GRAMD2B: variants seen among roughly 807,000 people sequenced by gnomAD.
GRAMD2B encodes GRAM domain-containing protein 2B.
GRAMD2B carries 41 observed loss-of-function variants against 59.2 expected under a neutral mutation model. The observed-to-expected ratio is 0.69, with a 90% CI of 0.54 to 0.90. The LOEUF (loss-of-function observed/expected upper bound fraction) is 0.90. Among genes scored for constraint, GRAMD2B ranks in the 40% least tolerant of loss-of-function variants. The pLI, the probability that GRAMD2B is intolerant of heterozygous loss-of-function variation, is 0.00. For synonymous variants in GRAMD2B, 161 were observed against 182.7 expected, an observed-to-expected ratio of 0.88 and a Z score of 0.96; for missense variants, 424 against 500.5, an observed-to-expected ratio of 0.85 and a Z score of 1.46.
intron 1 of GRAMD2B, among the ~76,000 whole-genome samples, chr5:126,363,955 G>A (rs1002068457): frequency 6.6e-6 from 1 of 152,032 alleles, no homozygotes; most frequent in Admixed American, 6.6e-5. Context: ...TGTACACTTC[G>A]AACAAGTGAA....
chr5:126,380,566 A>G (rs1437759270), intron 1 of GRAMD2B, among the ~76,000 whole-genome samples: 6 of 152,080 alleles, frequency 3.9e-5, no homozygotes, highest in Admixed American at 3.9e-4. Context: ...TGTGTTGTCT[A>G]TGATCTTTTT....
At chr5:126,486,511 G>A (rs1005599365) in intron 11 of GRAMD2B, among the ~76,000 whole-genome samples, 2 of 152,310 alleles carry the variant, frequency 1.3e-5, no homozygotes, top group African/African-American at 2.4e-5. Context: ...CCAGATAAAG[G>A]AGGGAGTCAC....
intron 1 of GRAMD2B, among the ~76,000 whole-genome samples, chr5:126,405,845 A>G (rs1255785648): frequency 1.3e-5 from 2 of 151,980 alleles, no homozygotes; most frequent in Non-Finnish European, 1.5e-5. Flanking sequence ...GTTGCATACC[A>G]TTCATAAACC....
At chr5:126,401,161 G>A (rs1757802728) in intron 1 of GRAMD2B, among the ~76,000 whole-genome samples, 2 of 151,784 alleles carry the variant, frequency 1.3e-5, no homozygotes, top group African/African-American at 2.4e-5. Flanking sequence ...TCCCTGGATT[G>A]AAAAATAACA....
chr5:126,376,244 G>A (rs1180965070), intron 1 of GRAMD2B, among the ~76,000 whole-genome samples: 2 of 152,158 alleles, frequency 1.3e-5, no homozygotes, highest in African/African-American at 4.8e-5. Flanking sequence ...GCCCAAGATG[G>A]GAACTGAAGA....
At chr5:126,461,436 A>T (rs937033570) in intron 1 of GRAMD2B, among the ~76,000 whole-genome samples, 1 of 152,206 alleles carries the variant, frequency 6.6e-6, no homozygotes, top group African/African-American at 2.4e-5. Flanking sequence ...CTGTTTTTGT[A>T]TGTATAAATT....
chr5:126,433,875 C>T (rs1761981075), intron 1 of GRAMD2B: 2 of 152,182 alleles, frequency 1.3e-5, no homozygotes, highest in Admixed American at 1.3e-4. Flanking sequence ...GCAGCAATTG[C>T]ACAAAATCTT....
chr5:126,442,928 T>C (rs1013759187), intron 1 of GRAMD2B, among the ~76,000 whole-genome samples: 1 of 152,202 alleles, frequency 6.6e-6, no homozygotes, highest in African/African-American at 2.4e-5. Flanking sequence ...GGATAATGTA[T>C]CTAACTAATC....
At chr5:126,385,370 G>A (rs1383741326) in intron 1 of GRAMD2B, among the ~76,000 whole-genome samples, 2 of 152,134 alleles carry the variant, frequency 1.3e-5, no homozygotes, top group Non-Finnish European at 2.9e-5. Context: ...GATACTATGA[G>A]CAATATAGGC....
At chr5:126,406,293 C>A (rs1009328431) in intron 1 of GRAMD2B, among the ~76,000 whole-genome samples, 12 of 151,838 alleles carry the variant, frequency 7.9e-5, no homozygotes, top group African/African-American at 2.4e-4. Flanking sequence ...CAACATGGCA[C>A]ATGTATACAT....
chr5:126,422,532 T>A (rs1368677823), upstream of GRAMD2B, among the ~76,000 whole-genome samples: 1 of 152,164 alleles, frequency 6.6e-6, no homozygotes, highest in African/African-American at 2.4e-5. Context: ...TCATCATCTA[T>A]CCTTAGTGTT....
rs114472603 is a variant in GRAMD2B at position 126,451,107 on chromosome 5, C to A, written c.84-14319C>A. The stretch of plus-strand genomic sequence containing the variant: ...AACCCACAGGCATTCAACTCCAACC[C>A]GTGAGAGCAGCCAGCGAGGCTGCAC... On this transcript the variant is annotated intron_variant, in intron 1 of 13. Transcript: ENST00000285689. Among the ~76,000 whole-genome samples, 500 of 152,332 alleles carry A rather than the reference C, an allele frequency of 3.3e-3. 4 individuals carry two copies. The highest frequency in any genetic ancestry group is 0.011 in the African/African-American group (472 of 41,576).
upstream of GRAMD2B, among the ~76,000 whole-genome samples, chr5:126,422,921 C>G (rs555685171): frequency 3.0e-4 from 46 of 151,110 alleles, 1 homozygote; most frequent in Non-Finnish European, 5.7e-4. Flanking sequence ...AACCACCCCC[C>G]CCACCCCAGA....
At chr5:126,383,758 T>G (rs889931822) in intron 1 of GRAMD2B, among the ~76,000 whole-genome samples, 7 of 152,212 alleles carry the variant, frequency 4.6e-5, no homozygotes, top group African/African-American at 1.7e-4. Flanking sequence ...TCAAATTATT[T>G]GGGCTATTTT....
At chr5:126,434,783 C>T (rs1158457780) in intron 1 of GRAMD2B, among the ~76,000 whole-genome samples, 2 of 152,212 alleles carry the variant, frequency 1.3e-5, no homozygotes, top group African/African-American at 4.8e-5. Context: ...TCCCAAAGTG[C>T]TGGGCTTAGG....
chr5:126,378,022 C>A (rs1400720333), intron 1 of GRAMD2B, among the ~76,000 whole-genome samples: 1 of 152,042 alleles, frequency 6.6e-6, no homozygotes, highest in African/African-American at 2.4e-5. Context: ...CAACCTTATT[C>A]TTTTTCTTTC....
intron 1 of GRAMD2B, among the ~76,000 whole-genome samples, chr5:126,441,988 T>G (rs1367709623): frequency 1.3e-5 from 2 of 152,134 alleles, no homozygotes; most frequent in African/African-American, 2.4e-5. Context: ...AAGCCTTGTC[T>G]TAGTGTATTT....
intron 1 of GRAMD2B, among the ~76,000 whole-genome samples, chr5:126,411,487 G>A (rs892876680): frequency 2.0e-5 from 3 of 152,080 alleles, no homozygotes; most frequent in African/African-American, 7.2e-5. Context: ...CCAGTACCAT[G>A]CTGTTTCAGT....
chr5:126,481,571 T>G (rs571429528), intron 8 of GRAMD2B, among the ~76,000 whole-genome samples: 32 of 152,214 alleles, frequency 2.1e-4, no homozygotes, highest in Non-Finnish European at 3.5e-4. Context: ...ATAGCATTAT[T>G]CATCATAGCC....
Sources: allele counts gnomAD v4.1 joint callset (sites outside exome capture counted in the v4.1 genomes callset), GRCh38; gene constraint gnomAD v4.1.1; transcripts MANE v1.5; gene names NCBI Gene and HGNC (gene_info 2026-07-23, HGNC 2026-07-21).